Variants in FXR1 observed in about 807,000 individuals in gnomAD.
The protein encoded by FXR1 is FMR1 autosomal homolog 1.
In FXR1, 15 loss-of-function variants were observed where a neutral mutation model predicts 84.0. That is an observed-to-expected ratio of 0.18 (90% CI 0.12 to 0.27). FXR1 has a LOEUF of 0.27. FXR1 is among the 10% of genes least tolerant of loss of function. The pLI, the probability that FXR1 is intolerant of heterozygous loss-of-function variation, is 1.00. For missense variants in FXR1, 480 were observed against 774.4 expected, an observed-to-expected ratio of 0.62 and a Z score of 4.51; for synonymous variants, 245 against 250.7, an observed-to-expected ratio of 0.98 and a Z score of 0.21.
chr3:180,977,477 C>CTTTTA lies in FXR1; in HGVS notation c.*1185_*1186insTTTTA, dbSNP rs1714344906. On this transcript the variant is annotated 3_prime_UTR_variant, in exon 17 of 17. Coordinates refer to ENST00000357559, the MANE Select transcript of FXR1 (RefSeq NM_005087.4). Reference sequence around the variant, plus strand: ...GACAAGCAATTTTTAAATAATAGGCCAATGATTTGCTTTATTCATTCTCAA... The same window carrying CTTTTA: ...GACAAGCAATTTTTAAATAATAGGCCTTTTAAATGATTTGCTTTATTCATTCTCAA... 6.6e-6 allele frequency: 1 copy of CTTTTA among 151,984 alleles called. No homozygotes were observed. Among genetic ancestry groups the CTTTTA allele is most frequent in the East Asian group, 1.9e-4 (1 of 5,188 alleles). 9.4% of individuals were successfully genotyped at this position (151,984 alleles called of 1,614,324 possible).
At chr3:180,964,898 A>C (rs1359272736) in intron 13 of FXR1, among the ~76,000 whole-genome samples, 1 of 151,884 alleles carries the variant, frequency 6.6e-6, no homozygotes, top group Non-Finnish European at 1.5e-5. Context: ...TTTAGCTGTT[A>C]AGCTTAGCAC....
rs1714209993 is a variant in FXR1, at chr3:180,976,113, C to T, written c.1696-9C>T. 1.3e-6 allele frequency: 2 copies of T among 1,594,008 alleles called. No homozygotes were observed. The highest frequency in any genetic ancestry group is 1.4e-5 in the African/African-American group (1 of 73,724). Reference sequence around the variant, plus strand: ...TAAAGAAGTTGAAAAAGTTGTCTCCCTTTGGCAGGCAAAAGATGTGATTGA... The same window carrying T: ...TAAAGAAGTTGAAAAAGTTGTCTCCTTTTGGCAGGCAAAAGATGTGATTGA... On this transcript the variant is annotated splice_polypyrimidine_tract_variant and intron_variant, in intron 16 of 16. Transcript: ENST00000357559.
Position 180,948,705 on chromosome 3 carries a change from A to G in FXR1, c.420-16A>G. 1 of 1,329,758 alleles carries G rather than the reference A, an allele frequency of 7.5e-7. No homozygotes were observed. The highest frequency in any genetic ancestry group is 1.1e-6 in the Non-Finnish European group (1 of 929,468). The allele number at this position is 1,329,758 out of a possible 1,614,324, so 82.4% of individuals were successfully genotyped here. ...TCTGTTATTGAGTTCTTACACATAA[A>G]TTGATTTCTCTCTAGGTGTGCTAAT... On this transcript the variant is annotated splice_polypyrimidine_tract_variant and intron_variant, in intron 5 of 16. Coordinates refer to ENST00000357559, the MANE Select transcript of FXR1 (RefSeq NM_005087.4).
chr3:180,916,791 C>T (rs961647559), intron 1 of FXR1, among the ~76,000 whole-genome samples: 1 of 152,102 alleles, frequency 6.6e-6, no homozygotes, highest in African/African-American at 2.4e-5. Flanking sequence ...CGAAGGGAAC[C>T]TGTAAGCTCT....
intron 4 of FXR1, 200 bp from the exon 5 acceptor site, chr3:180,948,147 A>G: frequency 1.6e-6 from 1 of 612,566 alleles, no homozygotes; most frequent in Non-Finnish European, 2.9e-6. Flanking sequence ...TCAAGCATGT[A>G]AGGACCGCCA....
intron 3 of FXR1, among the ~76,000 whole-genome samples, chr3:180,937,064 A>G (rs749663388): frequency 1.6e-4 from 25 of 152,164 alleles, no homozygotes; most frequent in Non-Finnish European, 3.4e-4. Flanking sequence ...TGGACTTTAG[A>G]TTTTATTGAA....
intron 15 of FXR1, 65 bp downstream of exon 15, chr3:180,970,423 A>ATATATAT (rs1713423214): frequency 1.0e-5 from 2 of 200,450 alleles, no homozygotes; most frequent in Non-Finnish European, 1.7e-5. Flanking sequence ...TATATATATA[A>ATATATAT]TTGTAAACTA....
At chr3:180,945,105 A>G (rs923302067) in intron 3 of FXR1, among the ~76,000 whole-genome samples, 1 of 152,250 alleles carries the variant, frequency 6.6e-6, no homozygotes, top group East Asian at 1.9e-4. Context: ...TTTAAAATAT[A>G]TCTCTAATAA....
intron 1 of FXR1, among the ~76,000 whole-genome samples, chr3:180,930,824 C>T (rs1311952596): frequency 1.3e-5 from 2 of 151,876 alleles, no homozygotes; most frequent in African/African-American, 2.4e-5. Flanking sequence ...CAGCTGAGGT[C>T]AGGAGTTCGA....
At chr3:180,970,850 G>A (rs1343006389) in intron 15 of FXR1, among the ~76,000 whole-genome samples, 1 of 152,100 alleles carries the variant, frequency 6.6e-6, no homozygotes, top group Non-Finnish European at 1.5e-5. Flanking sequence ...GAGTTTTACT[G>A]TGAGTTAAAA....
At chr3:180,926,504 ATAT>A (rs1385470123) in intron 1 of FXR1, among the ~76,000 whole-genome samples, 2 of 95,328 alleles carry the variant, frequency 2.1e-5, no homozygotes, top group African/African-American at 7.5e-5. Flanking sequence ...ATATATATAT[ATAT>A]TTTTTTTTCT....
chr3:180,938,545 T>A (rs1437161283), intron 3 of FXR1, among the ~76,000 whole-genome samples: 6 of 152,148 alleles, frequency 3.9e-5, no homozygotes, highest in African/African-American at 1.4e-4. Context: ...GAGTTTTATT[T>A]TTTTATTTTA....
At chr3:180,971,411 A>G (rs1713569819) in intron 15 of FXR1, 1 of 155,762 alleles carries the variant, frequency 6.4e-6, no homozygotes, top group African/African-American at 2.4e-5. Flanking sequence ...ACTGTTGAGA[A>G]GACCATTTTG....
Position 180,953,822 on chromosome 3 carries a change from G to C in FXR1, c.862G>C (p.Val288Leu), listed in dbSNP as rs759326870. The change falls in exon 9 of 17, where the codon GTT becomes CTT. Residue 288 changes from valine to leucine, a missense_variant. Transcript: ENST00000357559. Reference sequence around the variant, plus strand: ...GGAATTTGTGGAGGATTTTATTCAGGTTCCTAGGAATCTCGTTGGTAGGTA... The same window carrying C: ...GGAATTTGTGGAGGATTTTATTCAGCTTCCTAGGAATCTCGTTGGTAGGTA... The part of the protein sequence containing the change: ...FLEFVEDFIQ[V>L]PRNLVGKVIG... The C allele has an allele frequency of 2.6e-6, 4 of 1,563,530 alleles. No individual in the cohort carries two copies. The African/African-American group carries it at 5.4e-5, about 21-fold the overall frequency.
chr3:180,964,960 G>A (rs2108487347), intron 13 of FXR1, among the ~76,000 whole-genome samples: 1 of 151,498 alleles, frequency 6.6e-6, no homozygotes, highest in South Asian at 2.1e-4. Context: ...GATTTTAGAA[G>A]TTTGAGGGGA....
intron 3 of FXR1, among the ~76,000 whole-genome samples, chr3:180,944,332 T>G (rs922093182): frequency 1.2e-4 from 19 of 152,168 alleles, no homozygotes; most frequent in African/African-American, 4.6e-4. Flanking sequence ...GGACCTTTTT[T>G]TTTTTTGAGA....
chr3:180,958,373 A>C (rs765889607), intron 10 of FXR1, among the ~76,000 whole-genome samples: 30 of 152,108 alleles, frequency 2.0e-4, no homozygotes, highest in Non-Finnish European at 3.4e-4. Flanking sequence ...GTAGTCTTTT[A>C]TCTCTCACCC....
At chr3:180,941,930 T>C (rs1358207723) in intron 3 of FXR1, among the ~76,000 whole-genome samples, 1 of 152,226 alleles carries the variant, frequency 6.6e-6, no homozygotes, top group African/African-American at 2.4e-5. Context: ...AATAAATGTA[T>C]TTCACATGTT....
chr3:180,954,214 A>G (rs2108473015), intron 9 of FXR1: 1 of 165,956 alleles, frequency 6.0e-6, no homozygotes, highest in East Asian at 1.8e-4. Flanking sequence ...CTTTTTGAGA[A>G]GGTATTGGTG....
Sources: gnomAD v4.1 joint callset for allele counts (sites outside exome capture counted in the v4.1 genomes callset) on GRCh38, gnomAD v4.1.1 for gene constraint, MANE v1.5 for transcripts, NCBI Gene and HGNC (gene_info 2026-07-23, HGNC 2026-07-21) for gene names.